WDFY3: variants seen among roughly 807,000 people sequenced by gnomAD.
WDFY3 encodes WD repeat and FYVE domain-containing protein 3.
In WDFY3, 66 loss-of-function variants were observed where a neutral mutation model predicts 409.6. The observed-to-expected ratio is 0.16, with a 90% CI of 0.13 to 0.20. WDFY3 has a LOEUF of 0.20. Among genes scored for constraint, WDFY3 ranks in the 10% least tolerant of loss-of-function variants. The probability of loss-of-function intolerance (pLI) is 1.00; values close to 1 mark genes in which losing one functional copy is unlikely to be tolerated. For synonymous variants in WDFY3, 1,521 were observed against 1,537.1 expected (o/e 0.99, Z 0.25); for missense variants, 3,031 against 4,298.1 (o/e 0.71, Z 8.24).
chr4:84,884,122 T>C (rs561384362), intron 3 of WDFY3, among the ~76,000 whole-genome samples: 2 of 152,274 alleles, frequency 1.3e-5, no homozygotes, highest in Admixed American at 6.5e-5. Context: ...AGTCATTCTA[T>C]GGTCAAAACT....
At chr4:84,863,430 G>C (rs1170569764) in intron 3 of WDFY3, among the ~76,000 whole-genome samples, 2 of 151,980 alleles carry the variant, frequency 1.3e-5, no homozygotes, top group African/African-American at 4.8e-5. Flanking sequence ...AGGTGTGAGG[G>C]GATATCTTAT....
chr4:84,919,632 C>T (rs115376658), intron 2 of WDFY3, among the ~76,000 whole-genome samples: 6 of 152,226 alleles, frequency 3.9e-5, no homozygotes, highest in East Asian at 1.9e-4. Context: ...TGAGTGAGTT[C>T]TCTAGAGATC....
intron 13 of WDFY3, among the ~76,000 whole-genome samples, chr4:84,813,049 T>C: frequency 6.6e-6 from 1 of 152,104 alleles, no homozygotes. Flanking sequence ...TGTCATGGAA[T>C]GTCAGGTTTG....
At chr4:84,734,223 A>G (rs1041090802) in intron 43 of WDFY3, among the ~76,000 whole-genome samples, 1 of 152,252 alleles carries the variant, frequency 6.6e-6, no homozygotes, top group African/African-American at 2.4e-5. Context: ...ATGACACAGT[A>G]CAAGTTCTTA....
intron 1 of WDFY3, among the ~76,000 whole-genome samples, chr4:84,950,587 C>T (rs1270481562): frequency 3.3e-5 from 5 of 152,128 alleles, no homozygotes; most frequent in Non-Finnish European, 2.9e-5. Flanking sequence ...GTTAGGAGAT[C>T]GAGACCATCC....
chr4:84,783,862 T>TACAC (rs137878462), intron 24 of WDFY3, among the ~76,000 whole-genome samples: 15,943 of 140,792 alleles, frequency 0.11, 1,403 homozygotes, highest in African/African-American at 0.24. Context: ...GTGTCATACA[T>TACAC]ACACACACAC....
Position 84,841,649 on chromosome 4 carries a change from C to T in WDFY3, c.305-386G>A, listed in dbSNP as rs182913659. On this transcript the variant is annotated intron_variant, in intron 5 of 67. Coordinates refer to ENST00000295888, the MANE Select transcript of WDFY3 (RefSeq NM_014991.6). ...AGTGGCTAGAGGAATGAGCCTGACA[C>T]ATACAGATCAAGACAAAGAACTGTG... 2.2e-3 allele frequency among the ~76,000 whole-genome samples: 338 copies of T among 152,280 alleles called. 2 individuals carry two copies. The highest frequency in any genetic ancestry group is 7.8e-3 in the African/African-American group (323 of 41,580).
rs557099426 is a variant in WDFY3, at chr4:84,865,471, A to G, written c.-31-4849T>C. Among the ~76,000 whole-genome samples, 3 of 152,224 alleles carry G rather than the reference A, an allele frequency of 2.0e-5. No homozygotes were observed. The South Asian group carries it at 6.2e-4, about 32-fold the overall frequency. ...AAGTTTAGCCAGAATTCCCATCCTA[A>G]TATCTGATTGGGTGGCCAAATCTCC... On this transcript the variant is annotated intron_variant, in intron 3 of 67. Transcript: ENST00000295888.
In WDFY3 at chr4:84,696,092, C is replaced by G; in HGVS notation, c.8779G>C (p.Ala2927Pro). 1 of 1,614,126 alleles carries G rather than the reference C, an allele frequency of 6.2e-7. No homozygotes were observed. The highest frequency in any genetic ancestry group is 1.6e-4 in the Middle Eastern group (1 of 6,062). Reference protein sequence around the residue: ...YKQQGPAAVEAVNVFHHLFYE... With the variant: ...YKQQGPAAVEPVNVFHHLFYE... Reference sequence around the variant, plus strand: ...AAAAGATGATGGAAGACATTTACAGCTTCTACTGCAGCAGGGCCTTGCTGT... The same window carrying G: ...AAAAGATGATGGAAGACATTTACAGGTTCTACTGCAGCAGGGCCTTGCTGT... The change falls in exon 58 of 68, where the codon GCT (alanine) becomes CCT (proline). Residue 2927 changes from alanine (A) to proline (P), a missense_variant. Around this residue, in one of 16 missense-constraint regions of WDFY3, gnomAD observed 129 missense variants for 305.3 expected, o/e 0.42. Transcript: ENST00000295888.
intron 21 of WDFY3, among the ~76,000 whole-genome samples, chr4:84,793,477 T>C (rs1053475978): frequency 7.2e-5 from 11 of 152,076 alleles, no homozygotes; most frequent in African/African-American, 2.7e-4. Flanking sequence ...CTTAAAGCAA[T>C]ACTAGTTCAT....
At position 84,682,391 on chromosome 4, in the gene WDFY3, C is replaced by G. The variant is rs780379413; in HGVS notation, c.9806G>C (p.Cys3269Ser). The change falls in exon 64 of 68, where the codon TGT (cysteine) becomes TCT (serine). Residue 3269 changes from cysteine to serine, a missense_variant. Cys to Ser is a moderately radical substitution (Grantham distance 112, BLOSUM62 -1). Around this residue, in one of 16 missense-constraint regions of WDFY3, gnomAD observed 378 missense variants for 477.3 expected, o/e 0.79. Transcript: ENST00000295888. ...TTAAATACCTATTTGTGCTTCTGGA[C>G]AGTCTTCCTGCATTTCTAGGACTTC... Reference protein sequence around the residue: ...PAEVLEMQEDCPEAQIGQEAQ... With the variant: ...PAEVLEMQEDSPEAQIGQEAQ... The G allele has an allele frequency of 3.7e-6, 6 of 1,613,740 alleles. No homozygotes were observed. In the Admixed American group the frequency reaches 6.7e-5, roughly 18 times the overall value.
rs534788912 is a variant in WDFY3 at position 84,671,494 on chromosome 4, A to T, written c.*1374T>A. On this transcript the variant is annotated 3_prime_UTR_variant, in exon 68 of 68. Transcript: ENST00000295888. ...AATTGTTTCATTTTTAATATATATTATATATATATATATATGTACATAACA... is the reference window on the plus strand; with the variant it reads ...AATTGTTTCATTTTTAATATATATTTTATATATATATATATGTACATAACA... The T allele has an allele frequency of 1.6e-3, 240 of 147,636 alleles. 1 individual carries two copies. The highest frequency in any genetic ancestry group is 4.3e-4 in the Non-Finnish European group (29 of 66,724). 9.1% of individuals were successfully genotyped at this position (147,636 alleles called of 1,614,324 possible).
Position 84,721,492 on chromosome 4 carries a change from G to T in WDFY3, c.7522C>A (p.Gln2508Lys). The part of the protein sequence containing the change: ...DEENQEQLQD[Q>K]IAEGSSIEEE... ...TCTATGGAGCTGCCCTCAGCAATCT[G>T]GTCTTGTAGCTGCTCCTGGTTCTCC... Residue 2508 changes from glutamine (Q) to lysine (K), a missense_variant, in exon 47 of 68, where the codon CAG becomes AAG. Gln to Lys is a moderately conservative substitution (Grantham distance 53). This residue lies in a region of WDFY3 where 127 missense variants were observed against 144.4 expected (regional missense o/e 0.88). Transcript: ENST00000295888. The T allele has an allele frequency of 6.2e-7, 1 of 1,612,962 alleles. No individual in the cohort carries two copies.
At chr4:84,738,915 T>C (rs996177939) in intron 40 of WDFY3, 95 bp downstream of exon 40, 29 of 1,269,770 alleles carry the variant, frequency 2.3e-5, no homozygotes, top group Non-Finnish European at 3.0e-5. Flanking sequence ...TTGCTATCAA[T>C]GCTGGCAGTT....
chr4:84,691,931 G>A, intron 59 of WDFY3, 146 bp from the exon 60 acceptor site: 1 of 855,022 alleles, frequency 1.2e-6, no homozygotes, highest in Non-Finnish European at 1.7e-6. Flanking sequence ...ATAGAGCTGG[G>A]CTTTTGAATC....
chr4:84,826,871 G>T lies in WDFY3; in HGVS notation c.1067C>A (p.Thr356Asn), dbSNP rs1265005824. ...GVSELKPAGI[T>N]TGAPFLLPGF... ...AGGCAATAAAAAGGGTGCCCCTGTG[G>T]TAATACCAGCTGGTTTTAGTTCACT... Residue 356 changes from threonine (T) to asparagine (N), a missense_variant, in exon 10 of 68, where the codon ACC (threonine) becomes AAC (asparagine). Around this residue, in one of 16 missense-constraint regions of WDFY3, gnomAD observed 1,322 missense variants for 1,697.9 expected, o/e 0.78. Transcript: ENST00000295888. 1.2e-6 allele frequency: 2 copies of T among 1,610,290 alleles called. No homozygotes were observed. Among genetic ancestry groups the T allele is most frequent in the Admixed American group, 3.4e-5 (2 of 58,702 alleles).
chr4:84,742,298 C>T (rs1305172534), intron 37 of WDFY3, among the ~76,000 whole-genome samples: 20 of 152,136 alleles, frequency 1.3e-4, no homozygotes, highest in Non-Finnish European at 2.9e-5. Flanking sequence ...AACTGTGAAA[C>T]AAAACTCTGT....
chr4:84,673,843 C>T (rs1725824395), intron 67 of WDFY3, among the ~76,000 whole-genome samples: 1 of 152,110 alleles, frequency 6.6e-6, no homozygotes, highest in Non-Finnish European at 1.5e-5. Context: ...CCTCAAACTC[C>T]TGGCCTCAAG....
chr4:84,850,043 C>A lies in WDFY3; in HGVS notation c.181-18G>T, dbSNP rs972983307. Reference sequence around the variant, plus strand: ...CCAAAAACCTGTAGATAAGAAAAGACATTGTTAATGAAGCACTGACAAATT... The same window carrying A: ...CCAAAAACCTGTAGATAAGAAAAGAAATTGTTAATGAAGCACTGACAAATT... On this transcript the variant is annotated intron_variant, in intron 4 of 67. Transcript: ENST00000295888. 1.3e-6 allele frequency: 2 copies of A among 1,561,966 alleles called. No homozygotes were observed. The highest frequency in any genetic ancestry group is 1.4e-5 in the African/African-American group (1 of 72,110).
Sources: gnomAD v4.1 joint callset for allele counts (sites outside exome capture counted in the v4.1 genomes callset) on GRCh38, gnomAD v4.1.1 for gene constraint, gnomAD v4.1.1 regional missense constraint, MANE v1.5 for transcripts, NCBI Gene and HGNC (gene_info 2026-07-23, HGNC 2026-07-21) for gene names.